Variants in MACROD2 observed in about 807,000 individuals in gnomAD.
MACROD2 encodes ADP-ribose glycohydrolase MACROD2.
MACROD2 carries 36 observed loss-of-function variants against 70.4 expected under a neutral mutation model. The observed-to-expected ratio is 0.51, with a 90% CI of 0.39 to 0.68. MACROD2 has a LOEUF of 0.68. MACROD2 is among the 30% of genes least tolerant of loss of function. The probability of loss-of-function intolerance (pLI) is 0.00; values close to 1 mark genes in which losing one functional copy is unlikely to be tolerated. For missense variants in MACROD2, 496 were observed against 538.4 expected (o/e 0.92, Z 0.78); for synonymous variants, 172 against 178.8 (o/e 0.96, Z 0.30).
chr20:15,561,573 G>A (rs2048244320), intron 8 of MACROD2, among the ~76,000 whole-genome samples: 1 of 152,086 alleles, frequency 6.6e-6, no homozygotes, highest in South Asian at 2.1e-4. Context: ...TCTGCCTTCA[G>A]TAGGGTATTT....
chr20:15,490,203 CCCTT>C (rs1219281136), intron 7 of MACROD2, among the ~76,000 whole-genome samples: 36 of 141,648 alleles, frequency 2.5e-4, no homozygotes, highest in East Asian at 9.3e-4. Flanking sequence ...TCCTCCCTCC[CCCTT>C]CCTTCCTTCC....
intron 5 of MACROD2, among the ~76,000 whole-genome samples, chr20:14,985,206 C>A (rs2074837793): frequency 6.6e-6 from 1 of 152,190 alleles, no homozygotes; most frequent in Non-Finnish European, 1.5e-5. Flanking sequence ...TATGACACTT[C>A]ACTCAATTGC....
rs148255837 is a variant in MACROD2 at position 14,026,568 on chromosome 20, G to A, written c.163+24164G>A. ...TGATAAAGTCTCTCAGCATGTGCTTGTCTGTAAAGGATTTTATTTCTCCTT... is the reference window on the plus strand; with the variant it reads ...TGATAAAGTCTCTCAGCATGTGCTTATCTGTAAAGGATTTTATTTCTCCTT... On this transcript the variant is annotated intron_variant, in intron 2 of 17. Coordinates refer to ENST00000684519, the MANE Select transcript of MACROD2 (RefSeq NM_001351661.2). Among the ~76,000 whole-genome samples the A allele has an allele frequency of 4.4e-3, 673 of 152,318 alleles. 4 individuals carry two copies. The highest frequency in any genetic ancestry group is 0.015 in the African/African-American group (638 of 41,584).
chr20:15,712,299 TATTCACAA>T (rs1030235423), intron 8 of MACROD2, among the ~76,000 whole-genome samples: 1 of 152,208 alleles, frequency 6.6e-6, no homozygotes, highest in Non-Finnish European at 1.5e-5. Context: ...AATAAAACTT[TATTCACAA>T]AAACAGATGG....
At chr20:14,708,672 C>T (rs1035077577) in intron 5 of MACROD2, among the ~76,000 whole-genome samples, 2 of 152,166 alleles carry the variant, frequency 1.3e-5, no homozygotes, top group African/African-American at 4.8e-5. Flanking sequence ...GGCTGGAGTG[C>T]AGTGGCACGA....
At chr20:15,865,737 A>G (rs2064483638) in intron 9 of MACROD2, among the ~76,000 whole-genome samples, 1 of 152,192 alleles carries the variant, frequency 6.6e-6, no homozygotes, top group Non-Finnish European at 1.5e-5. Flanking sequence ...CAAGTCCCAG[A>G]CAGGTGAGGG....
At chr20:15,565,990 A>G (rs2048305186) in intron 8 of MACROD2, among the ~76,000 whole-genome samples, 1 of 152,170 alleles carries the variant, frequency 6.6e-6, no homozygotes, top group African/African-American at 2.4e-5. Flanking sequence ...CTGTGAAATA[A>G]AACGACTCAG....
intron 4 of MACROD2, among the ~76,000 whole-genome samples, chr20:14,588,151 C>A (rs1981511990): frequency 6.6e-6 from 1 of 152,098 alleles, no homozygotes; most frequent in African/African-American, 2.4e-5. Context: ...ATAGAACCTG[C>A]TTCTTCCTAG....
intron 8 of MACROD2, among the ~76,000 whole-genome samples, chr20:15,525,978 TAATAA>T (rs1194610873): frequency 6.6e-6 from 1 of 152,180 alleles, no homozygotes; most frequent in Non-Finnish European, 1.5e-5. Context: ...TGGTTAGAAA[TAATAA>T]AATAAAAAGA....
intron 10 of MACROD2, among the ~76,000 whole-genome samples, chr20:15,916,079 C>T (rs73898600): frequency 0.015 from 2,229 of 152,284 alleles, 49 homozygotes; most frequent in African/African-American, 0.045. Flanking sequence ...GGGTTCTTCA[C>T]GCTCACAGCT....
At chr20:14,090,093 A>G (rs915182295) in intron 3 of MACROD2, among the ~76,000 whole-genome samples, 3 of 152,162 alleles carry the variant, frequency 2.0e-5, no homozygotes, top group African/African-American at 7.2e-5. Context: ...TCAAAAACCG[A>G]AAATTGATAT....
intron 15 of MACROD2, among the ~76,000 whole-genome samples, chr20:16,038,887 A>G (rs932282289): frequency 1.1e-4 from 17 of 151,990 alleles, no homozygotes; most frequent in African/African-American, 2.4e-5. Context: ...TCAATCAGGA[A>G]TTGTATTAAT....
At chr20:15,734,927 A>G (rs1019382772) in intron 8 of MACROD2, among the ~76,000 whole-genome samples, 1 of 152,186 alleles carries the variant, frequency 6.6e-6, no homozygotes, top group Non-Finnish European at 1.5e-5. Context: ...AAAAATGAGA[A>G]CATTTTACCT....
intron 6 of MACROD2, among the ~76,000 whole-genome samples, chr20:15,326,443 T>A (rs1261966421): frequency 6.6e-6 from 1 of 152,142 alleles, no homozygotes; most frequent in East Asian, 1.9e-4. Context: ...CACATAATTT[T>A]AAATTTTAAA....
chr20:15,291,275 C>G (rs2077538811), intron 6 of MACROD2, among the ~76,000 whole-genome samples: 1 of 152,184 alleles, frequency 6.6e-6, no homozygotes, highest in African/African-American at 2.4e-5. Flanking sequence ...CTCATTGTTT[C>G]TCATCTGTAA....
chr20:14,475,249 C>G (rs1276862971), intron 3 of MACROD2, among the ~76,000 whole-genome samples: 1 of 152,082 alleles, frequency 6.6e-6, no homozygotes, highest in African/African-American at 2.4e-5. Flanking sequence ...CCCCAGTATA[C>G]TTTAACTCCA....
chr20:14,346,726 C>T (rs749642984), intron 3 of MACROD2, among the ~76,000 whole-genome samples: 4 of 152,070 alleles, frequency 2.6e-5, no homozygotes, highest in Admixed American at 6.5e-5. Flanking sequence ...GAAACTCAGA[C>T]GGAACAAAAG....
At chr20:14,531,773 G>A (rs1298959882) in intron 4 of MACROD2, among the ~76,000 whole-genome samples, 1 of 152,124 alleles carries the variant, frequency 6.6e-6, no homozygotes, top group African/African-American at 2.4e-5. Context: ...ATAGCCATAA[G>A]CAGTCCAGTA....
At chr20:15,221,895 C>T (rs2076864939) in intron 5 of MACROD2, among the ~76,000 whole-genome samples, 1 of 152,204 alleles carries the variant, frequency 6.6e-6, no homozygotes, top group Non-Finnish European at 1.5e-5. Flanking sequence ...TGAGCTTTGG[C>T]AGTGCATTCT....
Sources: gnomAD v4.1 joint callset for allele counts (sites outside exome capture counted in the v4.1 genomes callset) on GRCh38, gnomAD v4.1.1 for gene constraint, MANE v1.5 for transcripts, NCBI Gene and HGNC (gene_info 2026-07-23, HGNC 2026-07-21) for gene names.